Variants in MLEC observed in about 807,000 individuals in gnomAD.
The protein encoded by MLEC is oligosaccharyltransferase complex subunit (non-catalytic).
A neutral mutation model predicts 28.7 loss-of-function variants in MLEC; 7 were observed. The observed-to-expected ratio is 0.24, with a 90% CI of 0.14 to 0.46. The LOEUF (loss-of-function observed/expected upper bound fraction) is 0.46, where lower values mean the gene tolerates loss of function less well. MLEC is among the 20% of genes least tolerant of loss of function. MLEC has a pLI of 0.99. For synonymous variants in MLEC, 142 were observed against 164.4 expected (o/e 0.86, Z 1.04); for missense variants, 237 against 391.1 (o/e 0.61, Z 3.32).
chr12:120,696,695 C>G lies in MLEC; in HGVS notation c.*150C>G. On this transcript the variant is annotated 3_prime_UTR_variant, in exon 5 of 5. Coordinates refer to ENST00000228506, the MANE Select transcript of MLEC (RefSeq NM_014730.4). The surrounding 1 kb of genome is among the most constrained non-coding windows in gnomAD (Gnocchi z 5.4). ...TTAAAGGAGACAAAAAGAGGCAGAG[C>G]GAGTAGAGAGCAGCCCTCATTCACC... is the stretch of plus-strand genomic sequence containing the variant. The G allele has an allele frequency of 8.4e-7, 1 of 1,197,594 alleles. No homozygotes were observed. The highest frequency in any genetic ancestry group is 1.2e-6 in the Non-Finnish European group (1 of 869,416). 74.2% of individuals were successfully genotyped at this position (1,197,594 alleles called of 1,614,324 possible).
rs11556440 is a variant in MLEC at position 120,698,929 on chromosome 12, G to A, written c.*2384G>A. 5,903 of 152,732 alleles carry A rather than the reference G, an allele frequency of 0.039. 135 individuals carry two copies. The highest frequency in any genetic ancestry group is 0.066 in the Admixed American group (1,011 of 15,298). The allele number at this position is 152,732 out of a possible 1,614,324, so 9.5% of individuals were successfully genotyped here. A position where few individuals can be genotyped will look rare whatever the true frequency, so the allele number is the denominator to read the frequency against. On this transcript the variant is annotated 3_prime_UTR_variant, in exon 5 of 5. Coordinates refer to ENST00000228506, the MANE Select transcript of MLEC (RefSeq NM_014730.4). ...TTCTATGGCTAACAAAAACTAAAGG[G>A]GAAGTGAGGAAACAGGAAGAAGTAT...
chr12:120,695,042 A>G, intron 3 of MLEC, 42 bp downstream of exon 3: 1 of 1,614,082 alleles, frequency 6.2e-7, no homozygotes, highest in Non-Finnish European at 8.5e-7. Context: ...GAGTGGGTAC[A>G]GGGGAAGTTG....
intron 1 of MLEC, among the ~76,000 whole-genome samples, chr12:120,689,924 G>A (rs1360273202): frequency 6.6e-6 from 1 of 152,166 alleles, no homozygotes; most frequent in Non-Finnish European, 1.5e-5. Context: ...TTTCTTTGTA[G>A]TTCAACATTC....
At position 120,696,641 on chromosome 12, in the gene MLEC, A is replaced by G; in HGVS notation, c.*96A>G. On this transcript the variant is annotated 3_prime_UTR_variant, in exon 5 of 5. Transcript: ENST00000228506. The surrounding 1 kb of genome is among the most constrained non-coding windows in gnomAD (Gnocchi z 5.4). ...GTATTTTTCACAATGATTAATGAAC[A>G]AAAACAAAGAGAAAAAAACACACAT... is the stretch of plus-strand genomic sequence containing the variant. 6.6e-7 allele frequency: 1 copy of G among 1,519,250 alleles called. No homozygotes were observed. The highest frequency in any genetic ancestry group is 1.3e-5 in the South Asian group (1 of 79,194). The allele number at this position is 1,519,250 out of a possible 1,614,324, so 94.1% of individuals were successfully genotyped here. A position where few individuals can be genotyped will look rare whatever the true frequency, so the allele number is the denominator to read the frequency against.
In MLEC at chr12:120,687,614, CT is replaced by C; in HGVS notation, c.235+86del. ...GCCGGGGGCTGCGGGCCCCGAGCCC[CT>C]TTCGACCCTGGGGCCGCGTCTCTGG... On this transcript the variant is annotated intron_variant, in intron 1 of 4. Transcript: ENST00000228506. This position sits in a 1 kb window ranked among gnomAD's most constrained non-coding sequence, Gnocchi z 8.1. 1 of 1,127,944 alleles carries C rather than the reference CT, an allele frequency of 8.9e-7. No homozygotes were observed. Among genetic ancestry groups the C allele is most frequent in the South Asian group, 2.0e-5 (1 of 50,548 alleles). The allele number at this position is 1,127,944 out of a possible 1,614,324, so 69.9% of individuals were successfully genotyped here.
Position 120,700,330 on chromosome 12 carries a change from T to C in MLEC, c.*3785T>C, listed in dbSNP as rs1882399020. The C allele has an allele frequency of 6.5e-6, 1 of 152,814 alleles. No homozygotes were observed. The highest frequency in any genetic ancestry group is 2.4e-5 in the African/African-American group (1 of 41,474). The allele number at this position is 152,814 out of a possible 1,614,324, so 9.5% of individuals were successfully genotyped here. ...ACTCTGGCATAATTCAAGTGTCTTC[T>C]TGCCTTGGGGATCCTTAGTGGCATC... is the stretch of plus-strand genomic sequence containing the variant. On this transcript the variant is annotated 3_prime_UTR_variant, in exon 5 of 5. Coordinates refer to ENST00000228506, the MANE Select transcript of MLEC (RefSeq NM_014730.4). This position sits in a 1 kb window ranked among gnomAD's most constrained non-coding sequence, Gnocchi z 4.0.
chr12:120,694,178 C>G lies in MLEC; in HGVS notation c.323C>G (p.Thr108Ser), dbSNP rs1176394419. 1 of 1,614,166 alleles carries G rather than the reference C, an allele frequency of 6.2e-7. No individual in the cohort carries two copies. Among genetic ancestry groups the G allele is most frequent in the Non-Finnish European group, 8.5e-7 (1 of 1,180,034 alleles). ...LYQTERYNEE[T>S]FGYEVPIKEE... Reference sequence around the variant, plus strand: ...CAAACTGAGCGGTACAATGAGGAGACCTTTGGCTACGAAGTGCCCATCAAA... The same window carrying G: ...CAAACTGAGCGGTACAATGAGGAGAGCTTTGGCTACGAAGTGCCCATCAAA... The change falls in exon 2 of 5, where the codon ACC (threonine) becomes AGC (serine). Residue 108 changes from threonine (T) to serine (S), a missense_variant. Coordinates refer to ENST00000228506, the MANE Select transcript of MLEC (RefSeq NM_014730.4). The surrounding 1 kb of genome is among the most constrained non-coding windows in gnomAD (Gnocchi z 4.5).
chr12:120,691,061 A>G (rs1360738833), intron 1 of MLEC, among the ~76,000 whole-genome samples: 2 of 152,222 alleles, frequency 1.3e-5, no homozygotes, highest in East Asian at 1.9e-4. Context: ...GAGTGACGCT[A>G]GAGCACCAAG....
intron 3 of MLEC, 42 bp from the exon 4 acceptor site, chr12:120,695,052 GT>G: frequency 6.2e-7 from 1 of 1,614,122 alleles, no homozygotes; most frequent in Non-Finnish European, 8.5e-7. Context: ...AGGGGAAGTT[GT>G]TTGCTGCTGT....
chr12:120,688,932 C>A (rs1292747428), intron 1 of MLEC, among the ~76,000 whole-genome samples: 1 of 152,214 alleles, frequency 6.6e-6, no homozygotes. Flanking sequence ...CTATCTCTAT[C>A]CTGGACCCTT....
rs1426983498 is a variant in MLEC, at chr12:120,700,283, C to CTT, written c.*3739_*3740dup. Reference sequence around the variant, plus strand: ...CTGCCATGGGGCTGCTTCCCTGTCCCTTCCCTCCCCTTTGCTGGCCTACTC... The same window carrying CTT: ...CTGCCATGGGGCTGCTTCCCTGTCCCTTTTCCCTCCCCTTTGCTGGCCTACTC... On this transcript the variant is annotated 3_prime_UTR_variant, in exon 5 of 5. Transcript: ENST00000228506. This position sits in a 1 kb window ranked among gnomAD's most constrained non-coding sequence, Gnocchi z 4.0. 1 of 152,716 alleles carries CTT rather than the reference C, an allele frequency of 6.5e-6. No homozygotes were observed. Among genetic ancestry groups the CTT allele is most frequent in the Non-Finnish European group, 1.5e-5 (1 of 68,116 alleles). The allele number at this position is 152,716 out of a possible 1,614,324, so 9.5% of individuals were successfully genotyped here.
chr12:120,697,482 G>T lies in MLEC; in HGVS notation c.*937G>T. On this transcript the variant is annotated 3_prime_UTR_variant, in exon 5 of 5. Coordinates refer to ENST00000228506, the MANE Select transcript of MLEC (RefSeq NM_014730.4). This position sits in a 1 kb window ranked among gnomAD's most constrained non-coding sequence, Gnocchi z 4.8. ...TTGGTACCTCCCTCCCTGGATCTCT[G>T]AGCCAGCAGCCAGGAGGACCTGACC... is the stretch of plus-strand genomic sequence containing the variant. 6.5e-6 allele frequency: 1 copy of T among 152,762 alleles called. No homozygotes were observed. The allele number at this position is 152,762 out of a possible 1,614,324, so 9.5% of individuals were successfully genotyped here. A position where few individuals can be genotyped will look rare whatever the true frequency, so the allele number is the denominator to read the frequency against.
In MLEC at chr12:120,696,568, G is replaced by A; in HGVS notation, c.*23G>A. Reference sequence around the variant, plus strand: ...TGAGAACAAATGACTATCCTGAACAGGGTGGAGGGGTGTGGGAAAGAAACC... The same window carrying A: ...TGAGAACAAATGACTATCCTGAACAAGGTGGAGGGGTGTGGGAAAGAAACC... On this transcript the variant is annotated 3_prime_UTR_variant, in exon 5 of 5. Coordinates refer to ENST00000228506, the MANE Select transcript of MLEC (RefSeq NM_014730.4). This position sits in a 1 kb window ranked among gnomAD's most constrained non-coding sequence, Gnocchi z 5.4. 1 of 1,608,576 alleles carries A rather than the reference G, an allele frequency of 6.2e-7. No individual in the cohort carries two copies. The highest frequency in any genetic ancestry group is 1.3e-5 in the African/African-American group (1 of 74,828).
Position 120,687,231 on chromosome 12 carries a change from C to T in MLEC, c.-66C>T, listed in dbSNP as rs1592912955. The T allele has an allele frequency of 2.9e-5, 39 of 1,331,808 alleles. No individual in the cohort carries two copies. The South Asian group carries it at 7.5e-4, about 26-fold the overall frequency. 82.5% of individuals were successfully genotyped at this position (1,331,808 alleles called of 1,614,324 possible). ...GCCCGTGGCGCTGTTTTTCTGAGTCCGGGGTGGCCTGGCAGCCGGCCGAGG... is the reference window on the plus strand; with the variant it reads ...GCCCGTGGCGCTGTTTTTCTGAGTCTGGGGTGGCCTGGCAGCCGGCCGAGG... On this transcript the variant is annotated 5_prime_UTR_variant, in exon 1 of 5. Coordinates refer to ENST00000228506, the MANE Select transcript of MLEC (RefSeq NM_014730.4). The surrounding 1 kb of genome is among the most constrained non-coding windows in gnomAD (Gnocchi z 8.1).
rs2137424609 is a variant in MLEC, at chr12:120,699,320, C to T, written c.*2775C>T. On this transcript the variant is annotated 3_prime_UTR_variant, in exon 5 of 5. Coordinates refer to ENST00000228506, the MANE Select transcript of MLEC (RefSeq NM_014730.4). ...GCGTGGAGGAGAGGCCTGGGCTCCT[C>T]TACTGGATCTACACTCTGTCCCAGG... 6.6e-6 allele frequency: 1 copy of T among 150,950 alleles called. No homozygotes were observed. The highest frequency in any genetic ancestry group is 2.1e-4 in the South Asian group (1 of 4,748). The allele number at this position is 150,950 out of a possible 1,614,324, so 9.4% of individuals were successfully genotyped here.
At chr12:120,688,823 C>A (rs1409637109) in intron 1 of MLEC, among the ~76,000 whole-genome samples, 1 of 152,226 alleles carries the variant, frequency 6.6e-6, no homozygotes, top group Non-Finnish European at 1.5e-5. Flanking sequence ...TGAGCCCTGG[C>A]ATGTAGATCA....
chr12:120,691,605 C>T (rs755221818), intron 1 of MLEC, among the ~76,000 whole-genome samples: 8 of 152,200 alleles, frequency 5.3e-5, no homozygotes, highest in African/African-American at 1.4e-4. Flanking sequence ...AAATCTGTTT[C>T]GCTGTGAATG....
rs1239233229 is a variant in MLEC, at chr12:120,698,092, T to C, written c.*1547T>C. The stretch of plus-strand genomic sequence containing the variant: ...ACAATGAAGGAGGACCCAGCCAAGC[T>C]AGAAGGAATTTTGTGGATGGGAGAC... On this transcript the variant is annotated 3_prime_UTR_variant, in exon 5 of 5. Coordinates refer to ENST00000228506, the MANE Select transcript of MLEC (RefSeq NM_014730.4). 1.3e-5 allele frequency: 2 copies of C among 152,206 alleles called. No individual in the cohort carries two copies. The highest frequency in any genetic ancestry group is 1.3e-4 in the Admixed American group (2 of 15,276). 9.4% of individuals were successfully genotyped at this position (152,206 alleles called of 1,614,324 possible). A position where few individuals can be genotyped will look rare whatever the true frequency, so the allele number is the denominator to read the frequency against.
At chr12:120,691,251 G>A (rs1566012804) in intron 1 of MLEC, among the ~76,000 whole-genome samples, 1 of 152,160 alleles carries the variant, frequency 6.6e-6, no homozygotes, top group African/African-American at 2.4e-5. Flanking sequence ...GCATATCCTT[G>A]CCTGGCTAGC....
Sources: gnomAD v4.1 joint callset for allele counts (sites outside exome capture counted in the v4.1 genomes callset) on GRCh38, gnomAD v4.1.1 for gene constraint, Gnocchi (gnomAD v3.1) non-coding constraint, MANE v1.5 for transcripts, NCBI Gene and HGNC (gene_info 2026-07-23, HGNC 2026-07-21) for gene names.